PSD3: variants seen among roughly 807,000 people sequenced by gnomAD.
PSD3 encodes the protein PH and SEC7 domain-containing protein 3.
Under a neutral mutation model 105.5 loss-of-function variants are expected in PSD3, and 49 were observed. The ratio of observed to expected loss-of-function variants is 0.46; its 90% CI spans 0.37 to 0.59. PSD3 has a LOEUF of 0.59. Among genes scored for constraint, PSD3 ranks in the 20% least tolerant of loss-of-function variants. The pLI, the probability that PSD3 is intolerant of heterozygous loss-of-function variation, is 0.00. For synonymous variants in PSD3, 557 were observed against 457.8 expected, an observed-to-expected ratio of 1.22 and a Z score of -2.77; for missense variants, 1,561 against 1,263.8, an observed-to-expected ratio of 1.24 and a Z score of -3.57.
chr8:18,739,988 C>G (rs1804433540), intron 9 of PSD3, among the ~76,000 whole-genome samples: 1 of 152,148 alleles, frequency 6.6e-6, no homozygotes, highest in Non-Finnish European at 1.5e-5. Flanking sequence ...AATATCAAAT[C>G]TGGGATAACA....
intron 9 of PSD3, among the ~76,000 whole-genome samples, chr8:18,715,839 G>A (rs1256987595): frequency 1.3e-5 from 2 of 152,256 alleles, no homozygotes; most frequent in African/African-American, 2.4e-5. Flanking sequence ...TACATCCAAC[G>A]CATATTTACT....
chr8:18,578,986 G>A (rs936327402), intron 12 of PSD3, among the ~76,000 whole-genome samples: 4 of 151,926 alleles, frequency 2.6e-5, no homozygotes, highest in East Asian at 3.9e-4. Context: ...GGAAGCTTCC[G>A]CTTTTCTAGT....
At chr8:18,949,237 AAAAAAAAATATATAT>A (rs1426080620) in intron 1 of PSD3, among the ~76,000 whole-genome samples, 13 of 77,264 alleles carry the variant, frequency 1.7e-4, no homozygotes, top group African/African-American at 6.8e-4. Flanking sequence ...AAAAAAAAAA[AAAAAAAAATATATAT>A]ATATATATAT....
intron 10 of PSD3, among the ~76,000 whole-genome samples, chr8:18,647,165 C>G (rs10101610): frequency 0.26 from 39,353 of 152,106 alleles, 5,327 homozygotes; most frequent in South Asian, 0.44. Context: ...AGAGGCAGCA[C>G]TGATTTCCTG....
chr8:18,842,414 A>G (rs1814700809), intron 4 of PSD3, among the ~76,000 whole-genome samples: 1 of 152,238 alleles, frequency 6.6e-6, no homozygotes, highest in Non-Finnish European at 1.5e-5. Context: ...AATCTGGATA[A>G]TTTAAGATAA....
At chr8:18,746,837 T>C (rs1046524002) in intron 9 of PSD3, among the ~76,000 whole-genome samples, 1 of 152,264 alleles carries the variant, frequency 6.6e-6, no homozygotes, top group Admixed American at 6.5e-5. Flanking sequence ...TGGTTGGTCT[T>C]AATTATTAAT....
chr8:18,725,415 A>G (rs2129428795), intron 9 of PSD3, among the ~76,000 whole-genome samples: 1 of 152,328 alleles, frequency 6.6e-6, no homozygotes, highest in South Asian at 2.1e-4. Context: ...ATGAAAAACA[A>G]AGTATTCCAA....
At chr8:18,916,339 T>C (rs1289447180) in intron 2 of PSD3, among the ~76,000 whole-genome samples, 1,680 of 45,220 alleles carry the variant, frequency 0.037, 66 homozygotes, top group Non-Finnish European at 0.047. Flanking sequence ...TATATATATA[T>C]ATATATATAT....
rs540630468 is a variant in PSD3 at position 18,818,993 on chromosome 8, A to G, written c.1635-14095T>C. Among the ~76,000 whole-genome samples the G allele has an allele frequency of 2.6e-3, 400 of 152,180 alleles. 6 individuals are homozygous for G. Among genetic ancestry groups the G allele is most frequent in the African/African-American group, 9.2e-3 (381 of 41,534 alleles). ...ATCAGAGACCCTTGATGTGATCCAG[A>G]GGAATTGTGGAGTAATCTGGACAAG... On this transcript the variant is annotated intron_variant, in intron 4 of 15. Coordinates refer to ENST00000327040, the MANE Select transcript of PSD3 (RefSeq NM_015310.4).
chr8:18,818,699 A>G (rs1310286154), intron 4 of PSD3, among the ~76,000 whole-genome samples: 2 of 152,162 alleles, frequency 1.3e-5, no homozygotes, highest in African/African-American at 4.8e-5. Context: ...CCCAACAACC[A>G]GCAAAAAAAG....
intron 10 of PSD3, among the ~76,000 whole-genome samples, chr8:18,643,930 T>G (rs894878321): frequency 1.3e-5 from 2 of 152,204 alleles, no homozygotes; most frequent in African/African-American, 4.8e-5. Context: ...GGCTAAGCTG[T>G]AGCTAGGCCG....
rs28438064 is a variant in PSD3, at chr8:18,986,993, C to G, written c.21+26570G>C. ...TATATCCTACTGCTCAAGGTCATCGCCAAGGTCTGATCTTTTCACAAAAAA... is the reference window on the plus strand; with the variant it reads ...TATATCCTACTGCTCAAGGTCATCGGCAAGGTCTGATCTTTTCACAAAAAA... On this transcript the variant is annotated intron_variant, in intron 1 of 15. Transcript: ENST00000327040. Among the ~76,000 whole-genome samples the G allele has an allele frequency of 4.8e-3, 727 of 152,196 alleles. 5 individuals carry two copies. The highest frequency in any genetic ancestry group is 0.017 in the African/African-American group (706 of 41,524).
intron 14 of PSD3, among the ~76,000 whole-genome samples, chr8:18,565,790 G>A (rs939712105): frequency 4.6e-5 from 7 of 152,122 alleles, no homozygotes; most frequent in Non-Finnish European, 1.0e-4. Context: ...TAAAGCAGTG[G>A]TTCTCAATAG....
intron 4 of PSD3, chr8:18,808,918 C>T (rs1811439970): frequency 1.3e-6 from 2 of 1,509,936 alleles, no homozygotes; most frequent in African/African-American, 1.4e-5. Flanking sequence ...GGTCACACTA[C>T]TATGACCTCA....
intron 1 of PSD3, among the ~76,000 whole-genome samples, chr8:19,038,443 A>C (rs1317833646): frequency 1.3e-5 from 2 of 152,026 alleles, no homozygotes; most frequent in African/African-American, 2.4e-5. Context: ...CCTAGACCCC[A>C]CATTTATTTA....
chr8:18,621,867 T>C (rs1241269909), intron 11 of PSD3, among the ~76,000 whole-genome samples: 2 of 152,252 alleles, frequency 1.3e-5, no homozygotes, highest in East Asian at 1.9e-4. Flanking sequence ...CTCTTAATTA[T>C]AGTGTCGCTG....
chr8:18,940,677 A>G (rs1180096609), intron 1 of PSD3, among the ~76,000 whole-genome samples: 3 of 152,156 alleles, frequency 2.0e-5, no homozygotes, highest in Admixed American at 6.6e-5. Flanking sequence ...GAGATTTCCA[A>G]TTTATCTACT....
At position 18,670,354 on chromosome 8, in the gene PSD3, G is replaced by A. The variant is rs530088145; in HGVS notation, c.2173-14669C>T. On this transcript the variant is annotated intron_variant, in intron 9 of 15. Coordinates refer to ENST00000327040, the MANE Select transcript of PSD3 (RefSeq NM_015310.4). Reference sequence around the variant, plus strand: ...GTTAGAGGTTTATTCTGTGCTGGCCGGGTGACCACTAGAGGATTTTAAGCG... The same window carrying A: ...GTTAGAGGTTTATTCTGTGCTGGCCAGGTGACCACTAGAGGATTTTAAGCG... Among the ~76,000 whole-genome samples the A allele has an allele frequency of 3.6e-4, 55 of 152,278 alleles. No homozygotes were observed. The South Asian group carries it at 4.4e-3, about 12-fold the overall frequency.
At chr8:18,897,747 T>G (rs1412906396) in intron 2 of PSD3, among the ~76,000 whole-genome samples, 1 of 152,172 alleles carries the variant, frequency 6.6e-6, no homozygotes, top group African/African-American at 2.4e-5. Context: ...TCCCTAGGTA[T>G]TTTACTTTTT....
Sources: allele counts gnomAD v4.1 joint callset (sites outside exome capture counted in the v4.1 genomes callset), GRCh38; gene constraint gnomAD v4.1.1; transcripts MANE v1.5; gene names NCBI Gene and HGNC (gene_info 2026-07-23, HGNC 2026-07-21).